The following SYNE1 variants were observed in gnomAD, a reference collection of about 807,000 sequenced individuals.
The protein encoded by SYNE1 is nesprin-1.
Under a neutral mutation model 1,111.0 loss-of-function variants are expected in SYNE1, and 616 were observed. The ratio of observed to expected loss-of-function variants is 0.55; its 90% confidence interval spans 0.52 to 0.59. The LOEUF is 0.59. SYNE1 is among the 20% of genes least tolerant of loss of function. The pLI is 0.00. For synonymous variants in SYNE1, 3,855 were observed against 3,825.8 expected (o/e 1.01, Z -0.28); for missense variants, 10,006 against 10,417.0 (o/e 0.96, Z 1.72).
At chr6:152,541,727 G>A (rs1280398160) in intron 3 of SYNE1, among the ~76,000 whole-genome samples, 5 of 133,390 alleles carry the variant, frequency 3.7e-5, no homozygotes, top group Non-Finnish European at 1.6e-5. Context: ...CAGCCTGGGC[G>A]TCAGAGTGAG....
rs56304080 is a variant in SYNE1, at chr6:152,626,892, T to C, written c.67+1373A>G. Among the ~76,000 whole-genome samples, 1,146 of 152,302 alleles carry C rather than the reference T, an allele frequency of 7.5e-3. 14 individuals are homozygous for C. The highest frequency in any genetic ancestry group is 0.024 in the African/African-American group (998 of 41,558). On this transcript the variant is annotated intron_variant, in intron 3 of 145. Coordinates refer to ENST00000367255, the MANE Select transcript of SYNE1 (RefSeq NM_182961.4). ...CCCGATTTAAGAGCTTGGTATGTAT[T>C]TGAAGGTCAAGAATGCTTAACTGGA... is the stretch of plus-strand genomic sequence containing the variant.
chr6:152,540,135 A>G, intron 3 of SYNE1, 114 bp from the exon 4 acceptor site: 1 of 1,028,330 alleles, frequency 9.7e-7, no homozygotes, highest in Admixed American at 1.9e-5. Context: ...TTTCTCATTC[A>G]TTTTACCAAT....
intron 3 of SYNE1, among the ~76,000 whole-genome samples, chr6:152,580,142 G>A (rs1271009562): frequency 6.6e-6 from 1 of 152,118 alleles, no homozygotes; most frequent in Non-Finnish European, 1.5e-5. Context: ...CAATGTATAG[G>A]TGTTCCCTTT....
chr6:152,242,213 T>G (rs1259732178), intron 107 of SYNE1, 27 bp downstream of exon 107: 1 of 1,586,914 alleles, frequency 6.3e-7, no homozygotes, highest in Admixed American at 1.7e-5. Context: ...TTACATTTTC[T>G]CTCTATCACT....
In SYNE1 at chr6:152,316,940, A is replaced by C; in HGVS notation, c.16619T>G (p.Leu5540Trp). The C allele has an allele frequency of 1.9e-6, 3 of 1,614,172 alleles. No homozygotes were observed. The highest frequency in any genetic ancestry group is 2.5e-6 in the Non-Finnish European group (3 of 1,180,026). Residue 5540 changes from leucine (L) to tryptophan (W), a missense_variant, in exon 87 of 146, where the codon TTG becomes TGG. Physicochemically the swap from Leu to Trp is moderately conservative, Grantham distance 61 (BLOSUM62 -2). This residue lies in a region of SYNE1 where 4,955 missense variants were observed against 5,017.2 expected (regional missense o/e 0.99). Coordinates refer to ENST00000367255, the MANE Select transcript of SYNE1 (RefSeq NM_182961.4). Reference sequence around the variant, plus strand: ...GACTTTAGCTTTTTCAATCCACTTCAAAATTAATTCAAGCATTTCATTGTA... The same window carrying C: ...GACTTTAGCTTTTTCAATCCACTTCCAAATTAATTCAAGCATTTCATTGTA... ...EEYNEMLELI[L>W]KWIEKAKVLA...
chr6:152,502,480 C>G (rs2099034815), intron 10 of SYNE1, among the ~76,000 whole-genome samples, 153 bp downstream of exon 10: 1 of 152,176 alleles, frequency 6.6e-6, no homozygotes, highest in Non-Finnish European at 1.5e-5. Flanking sequence ...ACCCTTTCCT[C>G]TAATCATCAC....
At chr6:152,520,856 T>G (rs568744294) in intron 5 of SYNE1, among the ~76,000 whole-genome samples, 85 of 152,316 alleles carry the variant, frequency 5.6e-4, no homozygotes, top group African/African-American at 2.0e-3. Context: ...GTCTCATCAT[T>G]GGTCTGTGCA....
intron 93 of SYNE1, among the ~76,000 whole-genome samples, chr6:152,300,199 A>C (rs1372376868): frequency 6.6e-6 from 1 of 152,238 alleles, no homozygotes; most frequent in Non-Finnish European, 1.5e-5. Context: ...ATAAAGAAGA[A>C]GTCTGACATA....
At chr6:152,244,773 T>C (rs1249898775) in intron 105 of SYNE1, 117 bp from the exon 106 acceptor site, 8 of 1,328,176 alleles carry the variant, frequency 6.0e-6, no homozygotes, top group South Asian at 4.7e-5. Flanking sequence ...TCTCAATATA[T>C]ACAAAAGGAA....
Position 152,269,202 on chromosome 6 carries a change from G to A in SYNE1, c.18658C>T (p.Arg6220Cys), listed in dbSNP as rs201685248. The A allele has an allele frequency of 8.1e-6, 13 of 1,614,156 alleles. No homozygotes were observed. Among genetic ancestry groups the A allele is most frequent in the East Asian group, 6.7e-5 (3 of 44,876 alleles). The change falls in exon 99 of 146, where the codon CGC becomes TGC. Residue 6220 changes from arginine to cysteine, a missense_variant. Physicochemically the swap from Arg to Cys is radical, Grantham distance 180. Coordinates refer to ENST00000367255, the MANE Select transcript of SYNE1 (RefSeq NM_182961.4). The stretch of plus-strand genomic sequence containing the variant: ...TGCCGCTGCTGGGTCCATGTGGTGC[G>A]AGCTTGGGCCAGCCATTCCTGGACG... The part of the protein sequence containing the change: ...PGVQEWLAQA[R>C]TTWTQQRQSS...
intron 91 of SYNE1, among the ~76,000 whole-genome samples, chr6:152,303,287 C>G (rs376223384): frequency 6.6e-5 from 10 of 150,776 alleles, no homozygotes; most frequent in African/African-American, 2.2e-4. Flanking sequence ...AACCCTGTCT[C>G]TACTAAAAAT....
chr6:152,224,554 GGAAA>G lies in SYNE1; in HGVS notation c.21458_21461del (p.Leu7153ProfsTer6). ...AGGAGCCAGTCAGCAGACGGAATCG[GGAAA>G]GAGAGTATCTGGCCTCCATGAGGTA... is the stretch of plus-strand genomic sequence containing the variant. On this transcript the variant is annotated frameshift_variant, in exon 117 of 146. Transcript: ENST00000367255. LOFTEE classifies it high-confidence loss of function. 6.2e-7 allele frequency: 1 copy of G among 1,613,986 alleles called. No individual in the cohort carries two copies. Among genetic ancestry groups the G allele is most frequent in the Non-Finnish European group, 8.5e-7 (1 of 1,179,968 alleles).
At chr6:152,374,199 T>C (rs767428465) in intron 58 of SYNE1, among the ~76,000 whole-genome samples, 6 of 152,224 alleles carry the variant, frequency 3.9e-5, no homozygotes, top group Non-Finnish European at 8.8e-5. Context: ...GTATATACTT[T>C]TCCTTTCATG....
Position 152,508,827 on chromosome 6 carries a change from T to C in SYNE1, c.581+1366A>G, listed in dbSNP as rs1425433862. 4.6e-5 allele frequency among the ~76,000 whole-genome samples: 7 copies of C among 152,210 alleles called. 1 individual carries two copies. Reference sequence around the variant, plus strand: ...ATATATTTGACTACAACTTGAATCATGAAAACATAGCCCAAATTAGAAAAC... The same window carrying C: ...ATATATTTGACTACAACTTGAATCACGAAAACATAGCCCAAATTAGAAAAC... On this transcript the variant is annotated intron_variant, in intron 8 of 145. Transcript: ENST00000367255.
In SYNE1 at chr6:152,132,181, C is replaced by A; in HGVS notation, c.26035G>T (p.Asp8679Tyr). ...GTGGGACTCACAGACCCTGAGGTGTCCAGTTCATCAGCAGAAGACCAGGAA... is the reference window on the plus strand; with the variant it reads ...GTGGGACTCACAGACCCTGAGGTGTACAGTTCATCAGCAGAAGACCAGGAA... Reference protein sequence around the residue: ...LSSWSSADELDTSGSVSPTSG... With the variant: ...LSSWSSADELYTSGSVSPTSG... The change falls in exon 144 of 146, where the codon GAC becomes TAC. Residue 8679 changes from aspartate (D) to tyrosine (Y), a missense_variant. Around this residue, in one of 7 missense-constraint regions of SYNE1, gnomAD observed 761 missense variants for 795.5 expected, o/e 0.96. Coordinates refer to ENST00000367255, the MANE Select transcript of SYNE1 (RefSeq NM_182961.4). 1 of 1,614,138 alleles carries A rather than the reference C, an allele frequency of 6.2e-7. No individual in the cohort carries two copies. Among genetic ancestry groups the A allele is most frequent in the Non-Finnish European group, 8.5e-7 (1 of 1,180,014 alleles).
chr6:152,540,074 T>C (rs1294330054), intron 3 of SYNE1, 53 bp from the exon 4 acceptor site: 2 of 1,569,812 alleles, frequency 1.3e-6, no homozygotes, highest in Non-Finnish European at 1.8e-6. Flanking sequence ...TGAAGCTGTA[T>C]AATGAGAAAA....
intron 28 of SYNE1, 139 bp downstream of exon 28, chr6:152,449,393 TA>T: frequency 1.4e-6 from 1 of 702,730 alleles, no homozygotes; most frequent in Admixed American, 2.3e-5. Flanking sequence ...CACAGTAATA[TA>T]AGGGGACTTA....
At chr6:152,202,097 A>AAAGT in intron 126 of SYNE1, 148 bp from the exon 127 acceptor site, 1 of 1,088,790 alleles carries the variant, frequency 9.2e-7, no homozygotes, top group Non-Finnish European at 1.3e-6. Context: ...GTGTAATCCC[A>AAAGT]GCACTTTGGG....
At chr6:152,257,971 G>A (rs2091242280) in intron 101 of SYNE1, among the ~76,000 whole-genome samples, 1 of 152,124 alleles carries the variant, frequency 6.6e-6, no homozygotes, top group African/African-American at 2.4e-5. Context: ...ACATAGCCTA[G>A]ATAAGCTGTT....
Sources: allele counts gnomAD v4.1 joint callset (sites outside exome capture counted in the v4.1 genomes callset), GRCh38; gene constraint gnomAD v4.1.1; regional missense constraint gnomAD v4.1.1; transcripts MANE v1.5; gene names NCBI Gene and HGNC (gene_info 2026-07-23, HGNC 2026-07-21).